Variants in IGFBP2 observed in about 807,000 individuals in gnomAD.
IGFBP2 encodes insulin like growth factor binding protein 2, also known as insulin-like growth factor-binding protein 2.
A neutral mutation model predicts 26.2 loss-of-function variants in IGFBP2; 12 were observed. The observed-to-expected ratio is 0.46, with a 90% CI of 0.29 to 0.74. IGFBP2 has a LOEUF of 0.74. Ranked by LOEUF, IGFBP2 falls within the 30% of genes least tolerant of loss-of-function variation. The pLI, the probability that IGFBP2 is intolerant of heterozygous loss-of-function variation, is 0.09. For synonymous variants in IGFBP2, 189 were observed against 200.6 expected (o/e 0.94, Z 0.49); for missense variants, 328 against 441.2 (o/e 0.74, Z 2.30).
At chr2:216,651,032 G>A (rs967652897) in intron 1 of IGFBP2, among the ~76,000 whole-genome samples, 1 of 152,020 alleles carries the variant, frequency 6.6e-6, no homozygotes, top group African/African-American at 2.4e-5. Context: ...CCTATACCGC[G>A]ACAGACATCT....
chr2:216,635,826 T>C (rs538068366), intron 1 of IGFBP2, among the ~76,000 whole-genome samples: 1 of 152,116 alleles, frequency 6.6e-6, no homozygotes, highest in South Asian at 2.1e-4. Context: ...ACTCTGGATT[T>C]TCTGCCTGGT....
At chr2:216,645,869 G>C (rs1338863052) in intron 1 of IGFBP2, among the ~76,000 whole-genome samples, 1 of 152,212 alleles carries the variant, frequency 6.6e-6, no homozygotes, top group African/African-American at 2.4e-5. Flanking sequence ...TCTACCAACA[G>C]CTTAATGACC....
intron 1 of IGFBP2, among the ~76,000 whole-genome samples, chr2:216,635,717 G>A (rs1423636388): frequency 6.6e-6 from 1 of 152,082 alleles, no homozygotes; most frequent in Non-Finnish European, 1.5e-5. Flanking sequence ...AGATGCGGCA[G>A]ATTTTCTCCC....
At chr2:216,660,361 C>T (rs1446486900) in intron 1 of IGFBP2, among the ~76,000 whole-genome samples, 196 bp from the exon 2 acceptor site, 1 of 152,146 alleles carries the variant, frequency 6.6e-6, no homozygotes, top group Admixed American at 6.5e-5. Context: ...GCTAGTAGTA[C>T]CCACCTAAGA....
intron 1 of IGFBP2, among the ~76,000 whole-genome samples, chr2:216,651,824 G>C (rs1484428871): frequency 1.3e-5 from 2 of 152,156 alleles, no homozygotes; most frequent in East Asian, 1.9e-4. Context: ...GTGTAATCTT[G>C]GCTCACTGCA....
At chr2:216,643,947 C>G (rs1451916173) in intron 1 of IGFBP2, among the ~76,000 whole-genome samples, 1 of 151,858 alleles carries the variant, frequency 6.6e-6, no homozygotes, top group Non-Finnish European at 1.5e-5. Flanking sequence ...TTTTTTTCTT[C>G]TGGAGAATGG....
At chr2:216,647,593 T>C (rs922182003) in intron 1 of IGFBP2, among the ~76,000 whole-genome samples, 22 of 152,186 alleles carry the variant, frequency 1.4e-4, no homozygotes, top group South Asian at 4.1e-4. Context: ...GATCTCGGCT[T>C]ACCGCAAGCT....
At chr2:216,640,731 A>C (rs1187451280) in intron 1 of IGFBP2, among the ~76,000 whole-genome samples, 3 of 152,222 alleles carry the variant, frequency 2.0e-5, no homozygotes, top group African/African-American at 7.2e-5. Context: ...CTGTTGGTAG[A>C]GAAAAGCTTT....
At chr2:216,644,030 C>T (rs1228928358) in intron 1 of IGFBP2, among the ~76,000 whole-genome samples, 1 of 152,132 alleles carries the variant, frequency 6.6e-6, no homozygotes, top group Admixed American at 6.6e-5. Context: ...TCTGGCCACT[C>T]CTGTTCCTGA....
At chr2:216,637,227 G>A (rs1221139517) in intron 1 of IGFBP2, among the ~76,000 whole-genome samples, 1 of 152,166 alleles carries the variant, frequency 6.6e-6, no homozygotes, top group Non-Finnish European at 1.5e-5. Context: ...CAGAACTCCC[G>A]GCACTAGTTC....
At position 216,660,770 on chromosome 2, in the gene IGFBP2, G is replaced by A. The variant is rs747922531; in HGVS notation, c.656G>A (p.Arg219Gln). 6.3e-6 allele frequency: 10 copies of A among 1,593,134 alleles called. No homozygotes were observed. The highest frequency in any genetic ancestry group is 2.3e-5 in the East Asian group (1 of 43,740). The change falls in exon 2 of 4, where the codon CGA (arginine) becomes CAA (glutamine). Residue 219 changes from arginine (R) to glutamine (Q), a missense_variant. Coordinates refer to ENST00000233809, the MANE Select transcript of IGFBP2 (RefSeq NM_000597.3). ...HLGLEEPKKL[R>Q]PPPARTPCQQ... ...GGCCTGGAGGAGCCCAAGAAGCTGCGACCACCCCCTGCCAGGGTCAGTGAG... is the reference window on the plus strand; with the variant it reads ...GGCCTGGAGGAGCCCAAGAAGCTGCAACCACCCCCTGCCAGGGTCAGTGAG...
In IGFBP2 at chr2:216,633,561, C is replaced by T. The variant is rs1481024714; in HGVS notation, c.38C>T (p.Pro13Leu). 2.1e-6 allele frequency: 2 copies of T among 973,116 alleles called. No individual in the cohort carries two copies. The highest frequency in any genetic ancestry group is 2.2e-5 in the African/African-American group (1 of 45,456). The allele number at this position is 973,116 out of a possible 1,614,324, so 60.3% of individuals were successfully genotyped here. A position where few individuals can be genotyped will look rare whatever the true frequency, so the allele number is the denominator to read the frequency against. Residue 13 changes from proline (P) to leucine (L), a missense_variant, in exon 1 of 4, where the codon CCG becomes CTG. Physicochemically the swap from Pro to Leu is moderately conservative, Grantham distance 98 (BLOSUM62 -3). Transcript: ENST00000233809. Reference protein sequence around the residue: ...PRVGCPALPLPPPPLLPLLLL... With the variant: ...PRVGCPALPLLPPPLLPLLLL... ...GTGGGCTGCCCCGCGCTGCCGCTGCCGCCGCCGCCGCTGCTGCCGCTGCTG... is the reference window on the plus strand; with the variant it reads ...GTGGGCTGCCCCGCGCTGCCGCTGCTGCCGCCGCCGCTGCTGCCGCTGCTG...
chr2:216,634,539 C>G (rs4674106), intron 1 of IGFBP2, among the ~76,000 whole-genome samples: 47,216 of 152,220 alleles, frequency 0.31, 7,516 homozygotes, highest in East Asian at 0.43. Flanking sequence ...ATGAAAACCA[C>G]CACTACTATT....
intron 1 of IGFBP2, among the ~76,000 whole-genome samples, chr2:216,659,156 C>G (rs1374275008): frequency 6.6e-6 from 1 of 152,192 alleles, no homozygotes; most frequent in African/African-American, 2.4e-5. Flanking sequence ...AGACCCCCAT[C>G]AAATGTTCCG....
At position 216,633,839 on chromosome 2, in the gene IGFBP2, G is replaced by A; in HGVS notation, c.316G>A (p.Gly106Ser). The change falls in exon 1 of 4, where the codon GGC becomes AGC. Residue 106 changes from glycine (G) to serine (S), a missense_variant. Coordinates refer to ENST00000233809, the MANE Select transcript of IGFBP2 (RefSeq NM_000597.3). ...EACGVYTPRCGQGLRCYPHPG... is the reference protein window; with the variant it reads ...EACGVYTPRCSQGLRCYPHPG... ...GTGCGGCGTCTACACCCCGCGCTGC[G>A]GCCAGGGGCTGCGCTGCTATCCCCA... The A allele has an allele frequency of 3.2e-6, 5 of 1,543,730 alleles. No homozygotes were observed. The highest frequency in any genetic ancestry group is 4.3e-6 in the Non-Finnish European group (5 of 1,150,322).
chr2:216,635,106 C>A (rs183785194), intron 1 of IGFBP2, among the ~76,000 whole-genome samples: 18 of 152,150 alleles, frequency 1.2e-4, no homozygotes, highest in Admixed American at 1.2e-3. Flanking sequence ...GTAAGCCCCC[C>A]ACCCCATGCA....
At chr2:216,641,123 T>C (rs138430763) in intron 1 of IGFBP2, among the ~76,000 whole-genome samples, 13 of 152,334 alleles carry the variant, frequency 8.5e-5, no homozygotes, top group African/African-American at 3.1e-4. Flanking sequence ...ATTTTACCTC[T>C]TTCCCAGGGT....
chr2:216,647,741 C>T lies in IGFBP2; in HGVS notation c.443-12816C>T, dbSNP rs191920740. Reference sequence around the variant, plus strand: ...TTCACCATGTTAGCCAGGATGGTCTCGATTTGCTGACCTCGTGATCTGCCC... The same window carrying T: ...TTCACCATGTTAGCCAGGATGGTCTTGATTTGCTGACCTCGTGATCTGCCC... On this transcript the variant is annotated intron_variant, in intron 1 of 3. Coordinates refer to ENST00000233809, the MANE Select transcript of IGFBP2 (RefSeq NM_000597.3). 8.9e-3 allele frequency among the ~76,000 whole-genome samples: 1,359 copies of T among 152,250 alleles called. 13 individuals carry two copies. Among genetic ancestry groups the T allele is most frequent in the African/African-American group, 0.032 (1,313 of 41,560 alleles).
intron 1 of IGFBP2, among the ~76,000 whole-genome samples, chr2:216,657,249 C>T (rs1697937412): frequency 6.6e-6 from 1 of 151,754 alleles, no homozygotes. Flanking sequence ...AGAGGCCTGT[C>T]TGGGAAGGGC....
Sources: gnomAD v4.1 joint callset for allele counts (sites outside exome capture counted in the v4.1 genomes callset) on GRCh38, gnomAD v4.1.1 for gene constraint, MANE v1.5 for transcripts, NCBI Gene and HGNC (gene_info 2026-07-23, HGNC 2026-07-21) for gene names.